GALNT13: variants seen among roughly 807,000 people sequenced by gnomAD.
GALNT13 encodes the protein UDP-GalNAc:polypeptide N-acetylgalactosaminyltransferase 13.
A neutral mutation model predicts 64.2 loss-of-function variants in GALNT13; 28 were observed. The observed-to-expected ratio is 0.44, with a 90% CI of 0.32 to 0.60. The LOEUF (loss-of-function observed/expected upper bound fraction) is 0.60. Ranked by LOEUF, GALNT13 falls within the 20% of genes least tolerant of loss-of-function variation. The pLI, the probability that GALNT13 is intolerant of heterozygous loss-of-function variation, is 0.05. For synonymous variants in GALNT13, 214 were observed against 224.6 expected (o/e 0.95, Z 0.42); for missense variants, 577 against 669.8 (o/e 0.86, Z 1.53).
the GALNT13 span, among the ~76,000 whole-genome samples, chr2:153,482,925 C>T: frequency 6.6e-6 from 1 of 151,996 alleles, no homozygotes; most frequent in Non-Finnish European, 1.5e-5. Flanking sequence ...AGATATATTG[C>T]AATAGTTCCT....
the GALNT13 span, among the ~76,000 whole-genome samples, chr2:153,758,745 C>A: frequency 6.6e-6 from 1 of 151,990 alleles, no homozygotes; most frequent in African/African-American, 2.4e-5. Context: ...GGCCTGTGTG[C>A]CGCACCCAGC....
the GALNT13 span, among the ~76,000 whole-genome samples, chr2:153,792,295 CT>C: frequency 0.17 from 25,459 of 151,894 alleles, 2,979 homozygotes; most frequent in African/African-American, 0.33. Flanking sequence ...AATGTACAGA[CT>C]TTTTTTTCTT....
At chr2:153,173,109 A>G in the GALNT13 span, 1 of 152,172 alleles carries the variant, frequency 6.6e-6, no homozygotes, top group African/African-American at 2.4e-5. Context: ...GTCTATATCT[A>G]TATCTATATA....
chr2:153,171,562 C>T, the GALNT13 span, among the ~76,000 whole-genome samples: 11 of 152,010 alleles, frequency 7.2e-5, no homozygotes, highest in African/African-American at 1.7e-4. Flanking sequence ...ATATATTATA[C>T]TTCATTAGAG....
intron 3 of GALNT13, among the ~76,000 whole-genome samples, chr2:154,118,036 G>C (rs1681702637): frequency 6.6e-6 from 1 of 152,020 alleles, no homozygotes; most frequent in Non-Finnish European, 1.5e-5. Context: ...GATCCATTTT[G>C]TCTACAATGT....
chr2:153,617,111 A>G, the GALNT13 span, among the ~76,000 whole-genome samples: 1 of 151,998 alleles, frequency 6.6e-6, no homozygotes, highest in South Asian at 2.1e-4. Context: ...ATTGAATAAC[A>G]GTGGTGACAG....
chr2:154,417,521 A>ATTTATTTATTTATTTT (rs1553529811), intron 11 of GALNT13, among the ~76,000 whole-genome samples: 72 of 139,128 alleles, frequency 5.2e-4, no homozygotes, highest in Admixed American at 7.3e-4. Context: ...TTATTTATTT[A>ATTTATTTATTTATTTT]TTTTTTTGAG....
At chr2:153,609,670 G>A in the GALNT13 span, among the ~76,000 whole-genome samples, 1 of 152,144 alleles carries the variant, frequency 6.6e-6, no homozygotes, top group African/African-American at 2.4e-5. Context: ...GTTGAAGTAA[G>A]CCACTTCCTG....
the GALNT13 span, among the ~76,000 whole-genome samples, chr2:153,712,051 A>T: frequency 6.6e-6 from 1 of 152,306 alleles, no homozygotes. Flanking sequence ...TGGGTTTGTG[A>T]TCTTTTTTAT....
chr2:154,383,336 G>A (rs564948101), intron 9 of GALNT13, among the ~76,000 whole-genome samples: 103 of 151,946 alleles, frequency 6.8e-4, no homozygotes, highest in African/African-American at 2.3e-3. Context: ...AGTAAAAGGT[G>A]CTATTATTAG....
chr2:154,215,750 G>A (rs1052364024), intron 4 of GALNT13, among the ~76,000 whole-genome samples: 1 of 151,834 alleles, frequency 6.6e-6, no homozygotes, highest in African/African-American at 2.4e-5. Context: ...AGATCATTTG[G>A]TCTATTAATA....
the GALNT13 span, among the ~76,000 whole-genome samples, chr2:153,111,158 A>G: frequency 2.0e-5 from 3 of 152,110 alleles, no homozygotes; most frequent in Non-Finnish European, 4.4e-5. Context: ...AAGTGTGCAT[A>G]TTATATTGTT....
the GALNT13 span, among the ~76,000 whole-genome samples, chr2:153,122,200 A>G: frequency 1.3e-5 from 2 of 151,858 alleles, no homozygotes; most frequent in Non-Finnish European, 2.9e-5. Flanking sequence ...AACTTTACCT[A>G]TTGTTTACTG....
the GALNT13 span, among the ~76,000 whole-genome samples, chr2:153,650,999 G>A: frequency 1.3e-5 from 2 of 152,094 alleles, no homozygotes; most frequent in South Asian, 2.1e-4. Flanking sequence ...AAGGGTACAG[G>A]TGAAGTAGAA....
the GALNT13 span, among the ~76,000 whole-genome samples, chr2:153,173,024 T>G: frequency 6.6e-6 from 1 of 152,114 alleles, no homozygotes; most frequent in Non-Finnish European, 1.5e-5. Context: ...ACTAGTAACT[T>G]GTATACTAGG....
chr2:153,837,264 A>G, the GALNT13 span, among the ~76,000 whole-genome samples: 2 of 152,074 alleles, frequency 1.3e-5, no homozygotes, highest in Non-Finnish European at 2.9e-5. Context: ...GCCAGTGATG[A>G]TGAGCATTTT....
chr2:153,836,867 G>A, the GALNT13 span, among the ~76,000 whole-genome samples: 129 of 151,998 alleles, frequency 8.5e-4, no homozygotes, highest in Non-Finnish European at 1.5e-3. Flanking sequence ...ATAGTATTCC[G>A]TGGTGTATAT....
intron 2 of GALNT13, among the ~76,000 whole-genome samples, chr2:153,920,083 C>T (rs1574116083): frequency 6.7e-6 from 1 of 150,196 alleles, no homozygotes; most frequent in Admixed American, 6.7e-5. Context: ...ATAATACCTT[C>T]TATATTCCTG....
intron 8 of GALNT13, among the ~76,000 whole-genome samples, chr2:154,265,975 A>G (rs895567508): frequency 2.0e-5 from 3 of 152,228 alleles, no homozygotes; most frequent in Non-Finnish European, 4.4e-5. Flanking sequence ...AAATCCATCA[A>G]GGTAATTCAC....
Sources: allele counts gnomAD v4.1 joint callset (sites outside exome capture counted in the v4.1 genomes callset), GRCh38; gene constraint gnomAD v4.1.1; transcripts MANE v1.5; gene names NCBI Gene and HGNC (gene_info 2026-07-23, HGNC 2026-07-21).